DLG3: variants seen among roughly 807,000 people sequenced by gnomAD.
The protein encoded by DLG3 is discs large MAGUK scaffold protein 3.
Under a neutral mutation model 64.1 loss-of-function variants are expected in DLG3, and 1 was observed. That is an observed-to-expected ratio of 0.02 (90% CI 0.01 to 0.07). DLG3 has a LOEUF of 0.07. Ranked by LOEUF, DLG3 falls within the 10% of genes least tolerant of loss-of-function variation. The pLI is 1.00. For missense variants in DLG3, 429 were observed against 669.5 expected (o/e 0.64, Z 3.96); for synonymous variants, 245 against 259.8 (o/e 0.94, Z 0.55).
chrX:70,451,936 G>A lies in DLG3; in HGVS notation c.1055G>A (p.Ser352Asn), dbSNP rs1383034329. 8.3e-7 allele frequency: 1 copy of A among 1,211,177 alleles called. No individual in the cohort carries two copies. Among genetic ancestry groups the A allele is most frequent in the South Asian group, 1.8e-5 (1 of 56,920 alleles). ...CTGGGTTATCTCGGGGCTGTGGAGAGCAAGGTCAGCTACCCTGCTCCTCCT... is the reference window on the plus strand; with the variant it reads ...CTGGGTTATCTCGGGGCTGTGGAGAACAAGGTCAGCTACCCTGCTCCTCCT... The part of the protein sequence containing the change: ...SSLGYLGAVE[S>N]KVSYPAPPQV... The change falls in exon 7 of 19, where the codon AGC becomes AAC. Residue 352 changes from serine (S) to asparagine (N), a missense_variant. By Grantham distance (46) the Ser-to-Asn change is conservative. This residue lies in a region of DLG3 where 54 missense variants were observed against 54.4 expected (regional missense o/e 0.99). Transcript: ENST00000374360.
At chrX:70,452,160 G>A (rs764983263) in intron 7 of DLG3, 134 bp downstream of exon 7, 49 of 1,080,783 alleles carry the variant, frequency 4.5e-5, no homozygotes, top group Non-Finnish European at 6.0e-5. Flanking sequence ...CCCGGCTTTG[G>A]GGTCCGAGGC....
At chrX:70,473,191 A>T (rs1485595004) in intron 9 of DLG3, among the ~76,000 whole-genome samples, 2 of 106,076 alleles carry the variant, frequency 1.9e-5, no homozygotes, top group African/African-American at 6.9e-5. Flanking sequence ...AAATAACCTT[A>T]CCATAGTTTA....
intron 13 of DLG3, chrX:70,497,339 T>A (rs972399570): frequency 1.3e-6 from 1 of 748,516 alleles, no homozygotes; most frequent in African/African-American, 2.1e-5. Context: ...TTTAGCCATG[T>A]ACACTTTGAG....
intron 9 of DLG3, among the ~76,000 whole-genome samples, chrX:70,466,247 TTGTGTGTGTG>T (rs61083333): frequency 0.013 from 1,087 of 84,383 alleles, 18 homozygotes; most frequent in African/African-American, 0.04. Context: ...TCTTGGTCAT[TTGTGTGTGTG>T]TGTGTGTGTG....
At chrX:70,494,891 G>A (rs2087425225) in intron 12 of DLG3, among the ~76,000 whole-genome samples, 1 of 112,572 alleles carries the variant, frequency 8.9e-6, no homozygotes. Context: ...ATCAGTATTG[G>A]GCAAAGGCTT....
At chrX:70,500,833 A>G (rs2087542790) in intron 17 of DLG3, 65 bp from the exon 18 acceptor site, 3 of 1,044,284 alleles carry the variant, frequency 2.9e-6, no homozygotes, top group Non-Finnish European at 3.9e-6. Flanking sequence ...ATCCTGGAAT[A>G]ATCCTTTATG....
intron 6 of DLG3, among the ~76,000 whole-genome samples, chrX:70,451,353 G>A (rs1266547900): frequency 9.0e-6 from 1 of 110,987 alleles, no homozygotes. Flanking sequence ...CACCCACCTC[G>A]GCCTCCCAAA....
chrX:70,501,383 A>G (rs772296090), intron 18 of DLG3, among the ~76,000 whole-genome samples: 137 of 92,922 alleles, frequency 1.5e-3, no homozygotes, highest in Non-Finnish European at 2.2e-3. Context: ...GTGCTGTTCA[A>G]GTTGTCTGTT....
At chrX:70,471,501 T>G (rs1356426380) in intron 9 of DLG3, among the ~76,000 whole-genome samples, 3 of 110,488 alleles carry the variant, frequency 2.7e-5, no homozygotes, top group African/African-American at 9.9e-5. Context: ...GGCTAATTTT[T>G]TGTATTTTCA....
intron 9 of DLG3, among the ~76,000 whole-genome samples, chrX:70,476,192 G>C (rs2087051413): frequency 8.9e-6 from 1 of 112,135 alleles, no homozygotes; most frequent in African/African-American, 3.2e-5. Context: ...AAAGGAAAGA[G>C]GGCGATGACT....
intron 14 of DLG3, 72 bp downstream of exon 14, chrX:70,498,642 T>C: frequency 2.9e-6 from 3 of 1,020,069 alleles, no homozygotes; most frequent in Non-Finnish European, 4.1e-6. Context: ...TGGGTGGCTG[T>C]GGCAGCAGAG....
rs2086604228 is a variant in DLG3 at position 70,450,204 on chromosome X, C to G, written c.739C>G (p.Gln247Glu). The G allele has an allele frequency of 8.3e-7, 1 of 1,208,703 alleles. No individual in the cohort carries two copies. Among genetic ancestry groups the G allele is most frequent in the Non-Finnish European group, 1.1e-6 (1 of 894,519 alleles). Reference sequence around the variant, plus strand: ...CAGCATTGCTGGGGGTATTGGCAACCAGCACATCCCAGGAGACAACAGCAT... The same window carrying G: ...CAGCATTGCTGGGGGTATTGGCAACGAGCACATCCCAGGAGACAACAGCAT... ...GFSIAGGIGN[Q>E]HIPGDNSIYI... The change falls in exon 5 of 19, where the codon CAG becomes GAG. Residue 247 changes from glutamine (Q) to glutamate (E), a missense_variant. Around this residue, in one of 9 missense-constraint regions of DLG3, gnomAD observed 73 missense variants for 158.5 expected, o/e 0.46. Coordinates refer to ENST00000374360, the MANE Select transcript of DLG3 (RefSeq NM_021120.4).
rs2147898474 is a variant in DLG3, at chrX:70,502,764, T to C, written c.*495T>C. On this transcript the variant is annotated 3_prime_UTR_variant, in exon 19 of 19. Transcript: ENST00000374360. ...CGACAGAAAGTATCTTATTTATATA[T>C]AGATATATATATGTAATTTATATAA... is the stretch of plus-strand genomic sequence containing the variant. The C allele has an allele frequency of 9.3e-6, 1 of 107,421 alleles. No individual in the cohort carries two copies. The highest frequency in any genetic ancestry group is 3.4e-5 in the African/African-American group (1 of 29,847). The allele number at this position is 107,421 out of a possible 1,213,427, so 8.9% of individuals were successfully genotyped here. A position where few individuals can be genotyped will look rare whatever the true frequency, so the allele number is the denominator to read the frequency against.
intron 9 of DLG3, among the ~76,000 whole-genome samples, chrX:70,461,987 T>C (rs2147799123): frequency 9.1e-6 from 1 of 109,819 alleles, no homozygotes; most frequent in African/African-American, 3.3e-5. Context: ...CAATCAATTT[T>C]AGAACATATC....
At chrX:70,447,752 G>A (rs986222721) in intron 1 of DLG3, among the ~76,000 whole-genome samples, 3 of 112,524 alleles carry the variant, frequency 2.7e-5, no homozygotes, top group Admixed American at 9.3e-5. Flanking sequence ...GGAGGTGAAA[G>A]TGGGAGCCAG....
chrX:70,459,867 C>T (rs1434562457), intron 9 of DLG3, among the ~76,000 whole-genome samples: 1 of 111,283 alleles, frequency 9.0e-6, no homozygotes, highest in East Asian at 2.8e-4. Flanking sequence ...TGGAGAACTT[C>T]TTTGAGTCCA....
intron 10 of DLG3, among the ~76,000 whole-genome samples, chrX:70,485,573 A>G (rs2087239754): frequency 9.0e-6 from 1 of 111,639 alleles, no homozygotes; most frequent in African/African-American, 3.3e-5. Context: ...ATTTTAGCAG[A>G]AGCAACCCCT....
intron 9 of DLG3, among the ~76,000 whole-genome samples, chrX:70,459,046 CG>C (rs2086760295): frequency 1.8e-5 from 2 of 111,714 alleles, no homozygotes; most frequent in South Asian, 7.4e-4. Context: ...ACATTTTCCC[CG>C]TAGTGACTTT....
rs910115176 is a variant in DLG3, at chrX:70,492,436, A to C, written c.1698-85A>C. 5 of 1,117,641 alleles carry C rather than the reference A, an allele frequency of 4.5e-6. No individual in the cohort carries two copies. The African/African-American group carries it at 7.2e-5, about 16-fold the overall frequency. 92.1% of individuals were successfully genotyped at this position (1,117,641 alleles called of 1,213,427 possible). Reference sequence around the variant, plus strand: ...CAACATGGTTTTTACTCAGTGAGCCAAAAAAATGGCTGCTGTGCCTGCTGC... The same window carrying C: ...CAACATGGTTTTTACTCAGTGAGCCCAAAAAATGGCTGCTGTGCCTGCTGC... On this transcript the variant is annotated intron_variant, in intron 11 of 18. Transcript: ENST00000374360.
Sources: allele counts gnomAD v4.1 joint callset (sites outside exome capture counted in the v4.1 genomes callset), GRCh38; gene constraint gnomAD v4.1.1; regional missense constraint gnomAD v4.1.1; transcripts MANE v1.5; gene names NCBI Gene and HGNC (gene_info 2026-07-23, HGNC 2026-07-21).